ITGA9: variants seen among roughly 807,000 people sequenced by gnomAD.
ITGA9 encodes integrin alpha-9.
A neutral mutation model predicts 127.8 loss-of-function variants in ITGA9; 56 were observed. The ratio of observed to expected loss-of-function variants is 0.44; its 90% CI spans 0.35 to 0.55. The LOEUF (loss-of-function observed/expected upper bound fraction) is 0.55. Among genes scored for constraint, ITGA9 ranks in the 20% least tolerant of loss-of-function variants. The pLI, the probability that ITGA9 is intolerant of heterozygous loss-of-function variation, is 0.00. For synonymous variants in ITGA9, 508 were observed against 514.5 expected, an observed-to-expected ratio of 0.99 and a Z score of 0.17; for missense variants, 1,196 against 1,347.1, an observed-to-expected ratio of 0.89 and a Z score of 1.76.
At chr3:37,556,846 A>G (rs1699435937) in intron 15 of ITGA9, among the ~76,000 whole-genome samples, 1 of 152,202 alleles carries the variant, frequency 6.6e-6, no homozygotes, top group African/African-American at 2.4e-5. Context: ...CTCCTCATCA[A>G]CAACGTGGGG....
Position 37,728,613 on chromosome 3 carries a change from A to G in ITGA9, c.2068-4099A>G, listed in dbSNP as rs184923528. Among the ~76,000 whole-genome samples, 418 of 152,270 alleles carry G rather than the reference A, an allele frequency of 2.7e-3. 3 individuals are homozygous for G. The highest frequency in any genetic ancestry group is 4.5e-3 in the Non-Finnish European group (304 of 68,030). On this transcript the variant is annotated intron_variant, in intron 18 of 27. Coordinates refer to ENST00000264741, the MANE Select transcript of ITGA9 (RefSeq NM_002207.3). ...ATGGGGGAAGCCTTGCAACCTTTATAAACTGCAGTCAGGACTGTTTTCTCT... is the reference window on the plus strand; with the variant it reads ...ATGGGGGAAGCCTTGCAACCTTTATGAACTGCAGTCAGGACTGTTTTCTCT...
At chr3:37,813,004 A>G (rs894785158) in intron 27 of ITGA9, among the ~76,000 whole-genome samples, 8 of 152,236 alleles carry the variant, frequency 5.3e-5, no homozygotes, top group African/African-American at 1.9e-4. Flanking sequence ...GCGTGCTCAC[A>G]TGAGCGGGTG....
intron 23 of ITGA9, among the ~76,000 whole-genome samples, chr3:37,773,588 C>G (rs1277815445): frequency 7.1e-6 from 1 of 140,718 alleles, no homozygotes; most frequent in African/African-American, 2.7e-5. Flanking sequence ...AAATTTAACT[C>G]TCTTTTTTTT....
At chr3:37,746,991 A>G (rs1216066742) in intron 22 of ITGA9, among the ~76,000 whole-genome samples, 1 of 151,930 alleles carries the variant, frequency 6.6e-6, no homozygotes, top group Admixed American at 6.6e-5. Context: ...GATTCCCTGG[A>G]TTCTCTCTCT....
intron 1 of ITGA9, among the ~76,000 whole-genome samples, chr3:37,463,823 C>T (rs150074034): frequency 3.3e-3 from 500 of 152,130 alleles, no homozygotes; most frequent in African/African-American, 0.011. Context: ...TCCTGCCCAG[C>T]GCACCAGAAA....
chr3:37,741,386 G>A lies in ITGA9; in HGVS notation c.2235-344G>A, dbSNP rs138363703. Among the ~76,000 whole-genome samples the A allele has an allele frequency of 4.0e-3, 593 of 148,376 alleles. 5 individuals are homozygous for A. In the Middle Eastern group the frequency reaches 0.063, roughly 16 times the overall value. On this transcript the variant is annotated intron_variant, in intron 20 of 27. Transcript: ENST00000264741. ...ACTGACTCTGCCTCACAGAGTCCCC[G>A]CGAGACTGGGCCCTGGCTGCCGACA...
chr3:37,568,100 C>A (rs1193822166), intron 15 of ITGA9, among the ~76,000 whole-genome samples: 2 of 152,266 alleles, frequency 1.3e-5, no homozygotes, highest in Non-Finnish European at 2.9e-5. Flanking sequence ...CAGATTTCTG[C>A]CTGGGCATCC....
intron 20 of ITGA9, among the ~76,000 whole-genome samples, chr3:37,740,319 G>A (rs762135195): frequency 6.6e-6 from 1 of 152,144 alleles, no homozygotes; most frequent in Non-Finnish European, 1.5e-5. Context: ...CGCCCATGCA[G>A]GGTGAACTTG....
chr3:37,782,226 C>T (rs1696983519), intron 25 of ITGA9, among the ~76,000 whole-genome samples: 1 of 152,240 alleles, frequency 6.6e-6, no homozygotes, highest in Non-Finnish European at 1.5e-5. Context: ...GCCATACTTG[C>T]CACTGTCCAT....
intron 17 of ITGA9, among the ~76,000 whole-genome samples, chr3:37,657,029 C>T (rs779684255): frequency 5.9e-5 from 9 of 152,088 alleles, no homozygotes; most frequent in Non-Finnish European, 1.2e-4. Context: ...CCTTGCATCC[C>T]AGGGATGAAG....
rs189517749 is a variant in ITGA9 at position 37,680,200 on chromosome 3, G to C, written c.1917-3665G>C. Among the ~76,000 whole-genome samples the C allele has an allele frequency of 2.7e-3, 415 of 152,278 alleles. 3 individuals carry two copies. Among genetic ancestry groups the C allele is most frequent in the Middle Eastern group, 6.8e-3 (2 of 294 alleles). On this transcript the variant is annotated intron_variant, in intron 17 of 27. Coordinates refer to ENST00000264741, the MANE Select transcript of ITGA9 (RefSeq NM_002207.3). ...GGCCTAATATCAAGACCCTTTCTCA[G>C]TGTTGTGAGGTTTCAGAAGGATGAC...
intron 8 of ITGA9, among the ~76,000 whole-genome samples, chr3:37,510,431 A>G (rs1437321994): frequency 6.6e-6 from 1 of 152,084 alleles, no homozygotes; most frequent in Non-Finnish European, 1.5e-5. Context: ...AGGTCCGGTT[A>G]ATTCCTATTG....
At chr3:37,678,479 C>T (rs769518084) in intron 17 of ITGA9, among the ~76,000 whole-genome samples, 2 of 152,154 alleles carry the variant, frequency 1.3e-5, no homozygotes, top group Non-Finnish European at 2.9e-5. Flanking sequence ...CTGCCCTATA[C>T]TATTATCCTA....
In ITGA9 at chr3:37,523,695, A is replaced by G. The variant is rs944635775; in HGVS notation, c.1327+84A>G. ...ATAATTTTCAGTCTGGTTAGCAATC[A>G]TCACATCCATTTAGGATTAGGACAA... On this transcript the variant is annotated intron_variant, in intron 12 of 27. Coordinates refer to ENST00000264741, the MANE Select transcript of ITGA9 (RefSeq NM_002207.3). 5 of 963,710 alleles carry G rather than the reference A, an allele frequency of 5.2e-6. No individual in the cohort carries two copies. In the Admixed American group the frequency reaches 6.8e-5, roughly 13 times the overall value. The allele number at this position is 963,710 out of a possible 1,614,324, so 59.7% of individuals were successfully genotyped here. A position where few individuals can be genotyped will look rare whatever the true frequency, so the allele number is the denominator to read the frequency against.
intron 22 of ITGA9, chr3:37,745,678 A>C (rs1017956002): frequency 2.6e-5 from 4 of 152,248 alleles, no homozygotes; most frequent in African/African-American, 9.7e-5. Flanking sequence ...GGTTGCACAG[A>C]ATATACCAAA....
intron 18 of ITGA9, among the ~76,000 whole-genome samples, chr3:37,692,320 A>C (rs1700839706): frequency 6.6e-6 from 1 of 152,110 alleles, no homozygotes; most frequent in Non-Finnish European, 1.5e-5. Context: ...CAAGAATATA[A>C]AACATAGAAT....
chr3:37,724,392 G>A (rs1014628194), intron 18 of ITGA9, among the ~76,000 whole-genome samples: 3 of 152,092 alleles, frequency 2.0e-5, no homozygotes, highest in African/African-American at 7.2e-5. Context: ...ATGAGCTCTT[G>A]GAACAATTTA....
chr3:37,618,450 C>A (rs1417833948), intron 15 of ITGA9, among the ~76,000 whole-genome samples: 1 of 152,230 alleles, frequency 6.6e-6, no homozygotes, highest in Non-Finnish European at 1.5e-5. Context: ...TCTCAGATCT[C>A]AAGCTGCCTG....
chr3:37,485,378 CGTGGGAGGGGCT>C (rs1420469655), intron 4 of ITGA9, among the ~76,000 whole-genome samples: 2 of 151,664 alleles, frequency 1.3e-5, no homozygotes, highest in Non-Finnish European at 2.9e-5. Flanking sequence ...GTGGAAAGAC[CGTGGGAGGGGCT>C]GTGGGTTGAG....
Sources: allele counts gnomAD v4.1 joint callset (sites outside exome capture counted in the v4.1 genomes callset), GRCh38; gene constraint gnomAD v4.1.1; transcripts MANE v1.5; gene names NCBI Gene and HGNC (gene_info 2026-07-23, HGNC 2026-07-21).